The following SHOC2 variants were observed in gnomAD, a reference collection of about 807,000 sequenced individuals.
SHOC2 encodes SHOC2 leucine rich repeat scaffold protein.
A neutral mutation model predicts 50.2 loss-of-function variants in SHOC2; 4 were observed. The ratio of observed to expected loss-of-function variants is 0.08; its 90% CI spans 0.04 to 0.18. The LOEUF (loss-of-function observed/expected upper bound fraction) is 0.18. SHOC2 is among the 10% of genes least tolerant of loss of function. The pLI, the probability that SHOC2 is intolerant of heterozygous loss-of-function variation, is 1.00. For missense variants in SHOC2, 388 were observed against 669.6 expected, an observed-to-expected ratio of 0.58 and a Z score of 4.64; for synonymous variants, 218 against 244.5, an observed-to-expected ratio of 0.89 and a Z score of 1.01.
chr10:111,001,131 A>G (rs1451654741), intron 4 of SHOC2, among the ~76,000 whole-genome samples: 2 of 146,896 alleles, frequency 1.4e-5, no homozygotes, highest in African/African-American at 2.5e-5. Flanking sequence ...TATTTTGCTT[A>G]GGGATTAATT....
At position 110,978,212 on chromosome 10, in the gene SHOC2, G is replaced by A. The variant is rs115790461; in HGVS notation, c.704-7416G>A. The stretch of plus-strand genomic sequence containing the variant: ...GGGAATACAGTCATATATGGCTGTT[G>A]TCTGCAGTCTGCAAACCATTTTCTC... On this transcript the variant is annotated intron_variant, in intron 2 of 8. Transcript: ENST00000369452. Among the ~76,000 whole-genome samples, 733 of 152,292 alleles carry A rather than the reference G, an allele frequency of 4.8e-3. 6 individuals carry two copies. The highest frequency in any genetic ancestry group is 0.017 in the African/African-American group (694 of 41,532).
intron 1 of SHOC2, among the ~76,000 whole-genome samples, chr10:110,927,666 G>C (rs1286800544): frequency 6.6e-6 from 1 of 152,126 alleles, no homozygotes; most frequent in Non-Finnish European, 1.5e-5. Context: ...TTATATAATA[G>C]CTTATAGTAG....
intron 1 of SHOC2, among the ~76,000 whole-genome samples, chr10:110,962,675 A>C (rs1847594312): frequency 6.6e-6 from 1 of 152,188 alleles, no homozygotes; most frequent in Non-Finnish European, 1.5e-5. Context: ...ACACATTTTC[A>C]GTGTCCCGTG....
intron 3 of SHOC2, among the ~76,000 whole-genome samples, chr10:110,998,440 A>G (rs963059342): frequency 6.6e-6 from 1 of 152,126 alleles, no homozygotes; most frequent in East Asian, 1.9e-4. Context: ...AAAGACACTG[A>G]TGAAGTCACT....
chr10:110,958,309 G>C (rs1847506719), intron 1 of SHOC2, among the ~76,000 whole-genome samples: 1 of 151,754 alleles, frequency 6.6e-6, no homozygotes, highest in South Asian at 2.1e-4. Context: ...CTGTCTCCCA[G>C]TTCAAGCGAT....
chr10:110,993,318 G>T (rs1848216452), intron 3 of SHOC2, among the ~76,000 whole-genome samples: 1 of 152,304 alleles, frequency 6.6e-6, no homozygotes, highest in South Asian at 2.1e-4. Context: ...ACTGCAGAGG[G>T]TGAATCACAA....
In SHOC2 at chr10:110,921,619, T is replaced by C. The variant is rs559404615; in HGVS notation, c.-235+1962T>C. Among the ~76,000 whole-genome samples the C allele has an allele frequency of 4.6e-5, 7 of 152,300 alleles. No individual in the cohort carries two copies. The East Asian group carries it at 1.3e-3, about 29-fold the overall frequency. On this transcript the variant is annotated intron_variant, in intron 1 of 8. Transcript: ENST00000369452. ...ATTGATACAGGCATACAATGCATAA[T>C]AGTCACATTAGAGTAAATGAGGTAT...
rs543747475 is a variant in SHOC2 at position 110,940,553 on chromosome 10, AT to A, written c.-235+20897del. ...TATGTAAATTCAATTATTTATAGTTATACAATTTTATATAGAGCTTATATTA... is the reference window on the plus strand; with the variant it reads ...TATGTAAATTCAATTATTTATAGTTAACAATTTTATATAGAGCTTATATTA... On this transcript the variant is annotated intron_variant, in intron 1 of 8. Transcript: ENST00000369452. Among the ~76,000 whole-genome samples the A allele has an allele frequency of 5.9e-5, 9 of 152,352 alleles. No homozygotes were observed. In the South Asian group the frequency reaches 1.7e-3, roughly 28 times the overall value.
chr10:110,931,325 G>A (rs1224195096), intron 1 of SHOC2, among the ~76,000 whole-genome samples: 1 of 152,132 alleles, frequency 6.6e-6, no homozygotes, highest in Non-Finnish European at 1.5e-5. Context: ...CTGCTTAAAG[G>A]TGTGCTTTTC....
chr10:110,931,715 A>G (rs1027550644), intron 1 of SHOC2, among the ~76,000 whole-genome samples: 9 of 151,982 alleles, frequency 5.9e-5, no homozygotes, highest in African/African-American at 1.9e-4. Context: ...TTTTGTGCTC[A>G]ATAAAAGGTT....
At chr10:110,956,897 T>A (rs7101075) in intron 1 of SHOC2, among the ~76,000 whole-genome samples, 114,066 of 151,876 alleles carry the variant, frequency 0.75, 43,153 homozygotes, top group Admixed American at 0.84. Flanking sequence ...AGCTTCTTCT[T>A]GTAAGAAAGT....
chr10:110,972,299 G>GGACTGC (rs1847798706), intron 2 of SHOC2, among the ~76,000 whole-genome samples: 1 of 151,896 alleles, frequency 6.6e-6, no homozygotes, highest in Admixed American at 6.6e-5. Flanking sequence ...AATTCTCTCA[G>GGACTGC]GACTGCCAGG....
At chr10:110,924,795 C>G (rs574225108) in intron 1 of SHOC2, among the ~76,000 whole-genome samples, 1 of 152,052 alleles carries the variant, frequency 6.6e-6, no homozygotes, top group East Asian at 1.9e-4. Flanking sequence ...TAAGGCCGGG[C>G]GTGGTGGCTC....
At chr10:110,992,376 A>G (rs569037067) in intron 3 of SHOC2, among the ~76,000 whole-genome samples, 126 of 152,352 alleles carry the variant, frequency 8.3e-4, no homozygotes, top group Middle Eastern at 3.4e-3. Flanking sequence ...TTTCTCATTC[A>G]GAAATTAGCT....
At chr10:110,998,508 T>G (rs916717475) in intron 3 of SHOC2, among the ~76,000 whole-genome samples, 1 of 152,202 alleles carries the variant, frequency 6.6e-6, no homozygotes, top group African/African-American at 2.4e-5. Context: ...TAACTTGTCT[T>G]TGCTAAGTGG....
At position 110,964,299 on chromosome 10, in the gene SHOC2, G is replaced by T; in HGVS notation, c.-60G>T. 1 of 1,578,132 alleles carries T rather than the reference G, an allele frequency of 6.3e-7. No homozygotes were observed. The highest frequency in any genetic ancestry group is 1.2e-5 in the South Asian group (1 of 86,486). ...GTAGGATCTTTGTCTCTTCATCTTT[G>T]AATTCAATTACTGGAAAATAAAAGG... On this transcript the variant is annotated 5_prime_UTR_variant, in exon 2 of 9. It removes the in-frame stop codon of an upstream open reading frame in the 5' UTR. Coordinates refer to ENST00000369452, the MANE Select transcript of SHOC2 (RefSeq NM_007373.4). The surrounding 1 kb of genome is among the most constrained non-coding windows in gnomAD (Gnocchi z 4.9).
intron 3 of SHOC2, 21 bp downstream of exon 3, chr10:110,985,786 T>A: frequency 6.2e-7 from 1 of 1,604,854 alleles, no homozygotes; most frequent in Non-Finnish European, 8.5e-7. Flanking sequence ...AGAAAGGAGA[T>A]ATTGATAGCT....
intron 2 of SHOC2, among the ~76,000 whole-genome samples, chr10:110,966,413 G>A (rs1013682888): frequency 1.2e-4 from 18 of 152,052 alleles, no homozygotes; most frequent in Admixed American, 1.2e-3. Flanking sequence ...AATTTGACCT[G>A]CATGTTATGG....
At chr10:110,942,011 A>G (rs986695200) in intron 1 of SHOC2, among the ~76,000 whole-genome samples, 17 of 152,316 alleles carry the variant, frequency 1.1e-4, no homozygotes, top group Non-Finnish European at 2.1e-4. Context: ...ATGGATATCC[A>G]GTTGTTCAGC....
Sources: allele counts gnomAD v4.1 joint callset (sites outside exome capture counted in the v4.1 genomes callset), GRCh38; gene constraint gnomAD v4.1.1; non-coding constraint Gnocchi (gnomAD v3.1); transcripts MANE v1.5; gene names NCBI Gene and HGNC (gene_info 2026-07-23, HGNC 2026-07-21).